The following IFT140 variants were observed in gnomAD, a reference collection of about 807,000 sequenced individuals.
IFT140 encodes intraflagellar transport protein 140 homolog.
In IFT140, 133 loss-of-function variants were observed where a neutral mutation model predicts 164.6. The ratio of observed to expected loss-of-function variants is 0.81; its 90% confidence interval spans 0.70 to 0.93. IFT140 has a LOEUF of 0.93. IFT140 is among the 40% of genes least tolerant of loss of function. The pLI is 0.00. For missense variants in IFT140, 2,045 were observed against 1,972.3 expected, an observed-to-expected ratio of 1.04 and a Z score of -0.70; for synonymous variants, 860 against 817.3, an observed-to-expected ratio of 1.05 and a Z score of -0.89.
intron 19 of IFT140, chr16:1,532,348 C>T (rs2030594025): frequency 6.6e-6 from 1 of 152,376 alleles, no homozygotes; most frequent in South Asian, 2.1e-4. Context: ...GCACGTCCCT[C>T]AGGAAGCCAG....
chr16:1,588,811 G>C (rs2035030645), intron 7 of IFT140, among the ~76,000 whole-genome samples: 2 of 152,114 alleles, frequency 1.3e-5, no homozygotes, highest in East Asian at 1.9e-4. Context: ...CAGTGCAACT[G>C]TACTTGCCTT....
chr16:1,525,315 G>T lies in IFT140; in HGVS notation c.2780C>A (p.Ser927Ter). The change falls in exon 22 of 31, where the codon TCG becomes TAG. Residue 927 changes from serine (S) to a stop codon, truncating the protein, a stop_gained. Coordinates refer to ENST00000426508, the MANE Select transcript of IFT140 (RefSeq NM_014714.4). LOFTEE classifies it high-confidence loss of function. ...CSRALSYYEKSDTHRFEVPRM... is the reference protein window; with the variant it reads ...CSRALSYYEK ...GGGCACCTCGAAGCGGTGCGTGTCC[G>T]ACTTCTCGTAGCTGTGAGAGAAGGA... 2 of 1,611,504 alleles carry T rather than the reference G, an allele frequency of 1.2e-6. No individual in the cohort carries two copies. Among genetic ancestry groups the T allele is most frequent in the Non-Finnish European group, 8.5e-7 (1 of 1,179,444 alleles).
Position 1,520,016 on chromosome 16 carries a change from T to A in IFT140, c.3905A>T (p.Lys1302Ile). The A allele has an allele frequency of 6.2e-7, 1 of 1,601,636 alleles. No individual in the cohort carries two copies. The highest frequency in any genetic ancestry group is 8.5e-7 in the Non-Finnish European group (1 of 1,174,270). The change falls in exon 29 of 31, where the codon AAA becomes ATA. Residue 1302 changes from lysine (K) to isoleucine (I), a missense_variant. Physicochemically the swap from Lys to Ile is moderately radical, Grantham distance 102. Transcript: ENST00000426508. Reference sequence around the variant, plus strand: ...GGCCTCGGTCAGCGCCCCGTGGGCTTTGTCGTAGTTCTGGTATTCATCAAT... The same window carrying A: ...GGCCTCGGTCAGCGCCCCGTGGGCTATGTCGTAGTTCTGGTATTCATCAAT... ...VEIDEYQNYD[K>I]AHGALTEAYK... is the part of the protein sequence containing the mutation.
At chr16:1,526,838 TCAGGGCCCCCTGGCCCTACG>T in intron 19 of IFT140, 42 bp from the exon 20 acceptor site, 1 of 1,572,430 alleles carries the variant, frequency 6.4e-7, no homozygotes, top group Non-Finnish European at 8.6e-7. Flanking sequence ...GCCCAGCACC[TCAGGGCCCCCTGGCCCTACG>T]GCCCCTTCTC....
intron 19 of IFT140, chr16:1,555,246 C>G: frequency 1.7e-6 from 1 of 590,060 alleles, no homozygotes; most frequent in Non-Finnish European, 2.9e-6. Context: ...CTCCAGCTTT[C>G]CTGGTTAGCG....
Position 1,553,915 on chromosome 16 carries a change from G to C in IFT140, c.2399+4020C>G. On this transcript the variant is annotated intron_variant, in intron 19 of 30. Coordinates refer to ENST00000426508, the MANE Select transcript of IFT140 (RefSeq NM_014714.4). This position sits in a 1 kb window ranked among gnomAD's most constrained non-coding sequence, Gnocchi z 4.4. The stretch of plus-strand genomic sequence containing the variant: ...TTTTCCTGTTGTAAGAACTAAAAAG[G>C]TCTTTGGAGCTCCTCAAAGATAAAA... 7.8e-7 allele frequency: 1 copy of C among 1,281,966 alleles called. No homozygotes were observed. The allele number at this position is 1,281,966 out of a possible 1,614,324, so 79.4% of individuals were successfully genotyped here. A position where few individuals can be genotyped will look rare whatever the true frequency, so the allele number is the denominator to read the frequency against.
chr16:1,527,103 C>A (rs1596307642), intron 19 of IFT140: 1 of 411,250 alleles, frequency 2.4e-6, no homozygotes, highest in East Asian at 3.8e-5. Context: ...GCTGTCTGAT[C>A]AGGAAATGTG....
chr16:1,587,417 A>T (rs1293843055), intron 8 of IFT140, 113 bp from the exon 9 acceptor site: 2 of 688,114 alleles, frequency 2.9e-6, no homozygotes, highest in Non-Finnish European at 5.2e-6. Flanking sequence ...GACATAGTTC[A>T]TCAGACTCCT....
intron 1 of IFT140, 90 bp downstream of exon 1, chr16:1,611,878 A>G (rs2036329432): frequency 6.6e-6 from 1 of 152,108 alleles, no homozygotes; most frequent in Admixed American, 6.5e-5. Flanking sequence ...CTTTCTTGCT[A>G]TGAAGAAAAT....
chr16:1,510,611 A>C lies in IFT140; in HGVS notation c.*333T>G. ...AGGGGGGCAGGTGCCCCAGCCCTCC[A>C]GCTGCAGCTTCCTGAGGTTCTAGAA... On this transcript the variant is annotated 3_prime_UTR_variant, in exon 31 of 31. Transcript: ENST00000426508. The C allele has an allele frequency of 2.5e-6, 1 of 394,746 alleles. No individual in the cohort carries two copies. Among genetic ancestry groups the C allele is most frequent in the African/African-American group, 2.1e-5 (1 of 47,390 alleles). 24.5% of individuals were successfully genotyped at this position (394,746 alleles called of 1,614,324 possible).
chr16:1,602,385 C>T lies in IFT140; in HGVS notation c.354G>A (p.Leu118=), dbSNP rs1387355225. Residue 118 remains leucine (L), a synonymous_variant, in exon 4 of 31, where the codon CTG becomes CTA. Transcript: ENST00000426508. ...VLRWSPSGNC[L]LSGDRLGVLL... is the part of the protein sequence containing the mutation. ...GTTGACTCACCCTGTCCCCAGACAG[C>T]AGGCAGTTTCCACTGGGGCTCCAAC... 1 of 1,614,178 alleles carries T rather than the reference C, an allele frequency of 6.2e-7. No individual in the cohort carries two copies. Among genetic ancestry groups the T allele is most frequent in the Admixed American group, 1.7e-5 (1 of 60,030 alleles).
At chr16:1,526,484 C>T in intron 20 of IFT140, 135 bp downstream of exon 20, 1 of 1,003,844 alleles carries the variant, frequency 1.0e-6, no homozygotes, top group Non-Finnish European at 1.4e-6. Context: ...GCCCAGCTCT[C>T]CTGGGTCATG....
chr16:1,524,924 C>A lies in IFT140; in HGVS notation c.2865-8G>T, dbSNP rs894474570. The stretch of plus-strand genomic sequence containing the variant: ...CACCACCGCCACAGGGTCCTGCGGG[C>A]AGCCCAAGACCATGGATTCTCCACC... On this transcript the variant is annotated splice_region_variant and splice_polypyrimidine_tract_variant and intron_variant, in intron 22 of 30. Coordinates refer to ENST00000426508, the MANE Select transcript of IFT140 (RefSeq NM_014714.4). The A allele has an allele frequency of 3.1e-6, 5 of 1,596,588 alleles. No individual in the cohort carries two copies. In the African/African-American group the frequency reaches 6.7e-5, roughly 21 times the overall value.
rs779954025 is a variant in IFT140, at chr16:1,526,642, G to C, written c.2554C>G (p.Leu852Val). 7.2e-5 allele frequency: 113 copies of C among 1,572,208 alleles called. No homozygotes were observed. The highest frequency in any genetic ancestry group is 9.3e-5 in the Non-Finnish European group (108 of 1,166,936). The change falls in exon 20 of 31, where the codon CTG becomes GTG. Residue 852 changes from leucine (L) to valine (V), a missense_variant. Physicochemically the swap from Leu to Val is conservative, Grantham distance 32. Transcript: ENST00000426508. ...ACCAGCATGCCCAGCTGCGTGGCCA[G>C]CACGGCCACGCGGGCCTCTAGCTCC... ...EPELEARVAVLATQLGMLEDA... is the reference protein window; with the variant it reads ...EPELEARVAVVATQLGMLEDA...
At chr16:1,525,553 C>T (rs919266803) in intron 21 of IFT140, among the ~76,000 whole-genome samples, 14 of 152,328 alleles carry the variant, frequency 9.2e-5, no homozygotes, top group African/African-American at 3.4e-4. Context: ...ACCCCGGGAA[C>T]GGGTCTAAGA....
rs553862669 is a variant in IFT140 at position 1,609,134 on chromosome 16, G to A, written c.-32+1530C>T. Among the ~76,000 whole-genome samples, 19 of 152,150 alleles carry A rather than the reference G, an allele frequency of 1.2e-4. 1 individual carries two copies. In the South Asian group the frequency reaches 2.7e-3, roughly 22 times the overall value. ...CTTGCCACTGCACTCCAGTCTGGGCGACAGAGCAAAACTGTTTAAAAAAAA... is the reference window on the plus strand; with the variant it reads ...CTTGCCACTGCACTCCAGTCTGGGCAACAGAGCAAAACTGTTTAAAAAAAA... On this transcript the variant is annotated intron_variant, in intron 2 of 30. Transcript: ENST00000426508.
rs2030768686 is a variant in IFT140, at chr16:1,533,845, T to G, written c.2400-7049A>C. ...GGCCACCCTGCCCGGAGCCTGGCAC[T>G]CACAGCAGGCCGGTGCTAAGGAGTG... is the stretch of plus-strand genomic sequence containing the variant. On this transcript the variant is annotated intron_variant, in intron 19 of 30. Coordinates refer to ENST00000426508, the MANE Select transcript of IFT140 (RefSeq NM_014714.4). The surrounding 1 kb of genome is among the most constrained non-coding windows in gnomAD (Gnocchi z 4.7). 2 of 224,250 alleles carry G rather than the reference T, an allele frequency of 8.9e-6. No homozygotes were observed. The highest frequency in any genetic ancestry group is 4.8e-5 in the African/African-American group (2 of 42,028). The allele number at this position is 224,250 out of a possible 1,614,324, so 13.9% of individuals were successfully genotyped here.
chr16:1,607,101 C>G lies in IFT140; in HGVS notation c.147+19G>C, dbSNP rs775486036. 2 of 1,612,540 alleles carry G rather than the reference C, an allele frequency of 1.2e-6. No individual in the cohort carries two copies. The highest frequency in any genetic ancestry group is 1.7e-6 in the Non-Finnish European group (2 of 1,178,982). ...GCCAGAAGCTACCACAGTCAGGCTC[C>G]TTGCTTCTGAGCACTCACTTGCTCC... is the stretch of plus-strand genomic sequence containing the variant. On this transcript the variant is annotated intron_variant, in intron 3 of 30. Coordinates refer to ENST00000426508, the MANE Select transcript of IFT140 (RefSeq NM_014714.4).
intron 13 of IFT140, among the ~76,000 whole-genome samples, chr16:1,574,074 C>T (rs1029864925): frequency 6.6e-6 from 1 of 152,142 alleles, no homozygotes; most frequent in Non-Finnish European, 1.5e-5. Context: ...TGCACCAATG[C>T]TCAGCCCATT....
Sources: allele counts gnomAD v4.1 joint callset (sites outside exome capture counted in the v4.1 genomes callset), GRCh38; gene constraint gnomAD v4.1.1; non-coding constraint Gnocchi (gnomAD v3.1); transcripts MANE v1.5; gene names NCBI Gene and HGNC (gene_info 2026-07-23, HGNC 2026-07-21).